The following XPO6 variants were observed in gnomAD, a reference collection of about 807,000 sequenced individuals.
XPO6 encodes the protein exportin 6.
XPO6 carries 3 observed loss-of-function variants against 130.0 expected under a neutral mutation model. The ratio of observed to expected loss-of-function variants is 0.02; its 90% CI spans 0.01 to 0.06. The LOEUF (loss-of-function observed/expected upper bound fraction) is 0.06. XPO6 is among the 10% of genes least tolerant of loss of function. The probability of loss-of-function intolerance (pLI) is 1.00; values close to 1 mark genes in which losing one functional copy is unlikely to be tolerated. For synonymous variants in XPO6, 524 were observed against 548.9 expected (o/e 0.95, Z 0.63); for missense variants, 970 against 1,393.0 (o/e 0.70, Z 4.83).
rs577233972 is a variant in XPO6 at position 28,188,987 on chromosome 16, G to A, written c.4-7956C>T. 5.9e-5 allele frequency among the ~76,000 whole-genome samples: 9 copies of A among 152,132 alleles called. No individual in the cohort carries two copies. In the South Asian group the frequency reaches 1.9e-3, roughly 32 times the overall value. ...TTTCCTTTTGTTTTCTGGAGGCACAGGTCTTGCTCTGTCGCCCAGGCTGGA... is the reference window on the plus strand; with the variant it reads ...TTTCCTTTTGTTTTCTGGAGGCACAAGTCTTGCTCTGTCGCCCAGGCTGGA... On this transcript the variant is annotated intron_variant, in intron 1 of 23. Coordinates refer to ENST00000304658, the MANE Select transcript of XPO6 (RefSeq NM_015171.4).
At chr16:28,196,504 T>C (rs906900250) in intron 1 of XPO6, among the ~76,000 whole-genome samples, 2 of 152,176 alleles carry the variant, frequency 1.3e-5, no homozygotes, top group Non-Finnish European at 2.9e-5. Context: ...TTACACAACA[T>C]GGTGAATGCA....
intron 6 of XPO6, among the ~76,000 whole-genome samples, chr16:28,161,076 G>A (rs1290276324): frequency 4.6e-5 from 7 of 152,146 alleles, no homozygotes; most frequent in Non-Finnish European, 1.5e-5. Flanking sequence ...AACTACAAAT[G>A]AACAAAGGGC....
chr16:28,167,329 T>C (rs2043372533), intron 5 of XPO6: 1 of 985,314 alleles, frequency 1.0e-6, no homozygotes. Flanking sequence ...TCCTTTTTCG[T>C]TCCTCATGCA....
chr16:28,140,845 A>G (rs780792652), intron 9 of XPO6, among the ~76,000 whole-genome samples: 1 of 152,222 alleles, frequency 6.6e-6, no homozygotes, highest in Non-Finnish European at 1.5e-5. Context: ...TAGGTGCTCA[A>G]TAAAATATAT....
chr16:28,149,063 A>AT (rs1025192001), intron 8 of XPO6, among the ~76,000 whole-genome samples: 3 of 150,286 alleles, frequency 2.0e-5, no homozygotes, highest in African/African-American at 4.9e-5. Context: ...GAAAATAAAA[A>AT]AAAAAAAAAA....
chr16:28,124,110 T>A (rs1596820230), intron 13 of XPO6, among the ~76,000 whole-genome samples: 1 of 148,524 alleles, frequency 6.7e-6, no homozygotes, highest in Admixed American at 6.9e-5. Context: ...CAGGCTGGAG[T>A]GCACTGGCGC....
chr16:28,199,748 G>T (rs2043926557), intron 1 of XPO6, among the ~76,000 whole-genome samples: 1 of 152,004 alleles, frequency 6.6e-6, no homozygotes, highest in Non-Finnish European at 1.5e-5. Flanking sequence ...TTTCACTTAT[G>T]TTGGCCAGGC....
chr16:28,170,489 A>T (rs1264256981), intron 4 of XPO6, among the ~76,000 whole-genome samples: 2 of 152,178 alleles, frequency 1.3e-5, no homozygotes, highest in Non-Finnish European at 2.9e-5. Flanking sequence ...CTAACATGAC[A>T]ATTTTTATAC....
At chr16:28,162,838 T>C (rs1351549498) in intron 6 of XPO6, among the ~76,000 whole-genome samples, 1 of 152,112 alleles carries the variant, frequency 6.6e-6, no homozygotes, top group Non-Finnish European at 1.5e-5. Flanking sequence ...TTTACAGGCC[T>C]AAGCCACCAT....
chr16:28,152,867 T>G, intron 7 of XPO6, 82 bp from the exon 8 acceptor site: 2 of 1,521,672 alleles, frequency 1.3e-6, no homozygotes, highest in Non-Finnish European at 1.7e-6. Context: ...GTTCTTTCAG[T>G]ACAGAACTAT....
At chr16:28,121,012 C>T (rs1227971808) in intron 14 of XPO6, among the ~76,000 whole-genome samples, 1 of 152,268 alleles carries the variant, frequency 6.6e-6, no homozygotes, top group East Asian at 1.9e-4. Flanking sequence ...TCATCTAAAG[C>T]AAGTCTTCTG....
Position 28,202,846 on chromosome 16 carries a change from GT to G in XPO6, c.3+8519del, listed in dbSNP as rs57912085. On this transcript the variant is annotated intron_variant, in intron 1 of 23. Coordinates refer to ENST00000304658, the MANE Select transcript of XPO6 (RefSeq NM_015171.4). ...TGCCACGGGAGCCAAGAAGAAAAGT[GT>G]TTCAAGAAAAGAAAAGGAGATCAGT... Among the ~76,000 whole-genome samples, 524 of 152,322 alleles carry G rather than the reference GT, an allele frequency of 3.4e-3. 1 individual carries two copies. Among genetic ancestry groups the G allele is most frequent in the Non-Finnish European group, 6.5e-3 (440 of 68,028 alleles).
chr16:28,131,317 G>C (rs1382840237), intron 12 of XPO6, among the ~76,000 whole-genome samples: 1 of 152,162 alleles, frequency 6.6e-6, no homozygotes, highest in African/African-American at 2.4e-5. Flanking sequence ...GGCTCCTGTG[G>C]AGGCTCTGCC....
chr16:28,164,958 T>C lies in XPO6; in HGVS notation c.643+1550A>G, dbSNP rs144008931. ...TTGGCTGGGTATGGTGGCTCACACC[T>C]GTAATCCCAGAAATCTGAAAGGCTG... On this transcript the variant is annotated intron_variant, in intron 6 of 23. Transcript: ENST00000304658. Among the ~76,000 whole-genome samples, 4 of 152,342 alleles carry C rather than the reference T, an allele frequency of 2.6e-5. No homozygotes were observed. The East Asian group carries it at 7.7e-4, about 29-fold the overall frequency.
intron 4 of XPO6, among the ~76,000 whole-genome samples, chr16:28,171,019 A>G (rs562431882): frequency 6.6e-5 from 10 of 152,014 alleles, no homozygotes; most frequent in Non-Finnish European, 1.3e-4. Flanking sequence ...TTTGAAAAGC[A>G]CTTCAAGTTT....
At chr16:28,104,432 A>G in intron 21 of XPO6, 114 bp downstream of exon 21, 1 of 1,302,524 alleles carries the variant, frequency 7.7e-7, no homozygotes, top group Non-Finnish European at 1.1e-6. Flanking sequence ...CTTCATCAAT[A>G]CTAACAGGCA....
At chr16:28,180,833 A>C in intron 2 of XPO6, 108 bp downstream of exon 2, 1 of 811,692 alleles carries the variant, frequency 1.2e-6, no homozygotes, top group Non-Finnish European at 1.8e-6. Flanking sequence ...GCAAGAATTC[A>C]AGTGGAAAGC....
intron 6 of XPO6, among the ~76,000 whole-genome samples, chr16:28,161,233 GACAA>G (rs1433575788): frequency 6.6e-6 from 1 of 152,298 alleles, no homozygotes; most frequent in East Asian, 1.9e-4. Context: ...GAATAAAAAT[GACAA>G]ACAATGTCTT....
At chr16:28,206,203 T>C (rs1049177666) in intron 1 of XPO6, among the ~76,000 whole-genome samples, 2 of 151,750 alleles carry the variant, frequency 1.3e-5, no homozygotes, top group Non-Finnish European at 2.9e-5. Flanking sequence ...GTAACCACAG[T>C]ACCTAGGGTT....
Sources: allele counts gnomAD v4.1 joint callset (sites outside exome capture counted in the v4.1 genomes callset), GRCh38; gene constraint gnomAD v4.1.1; transcripts MANE v1.5; gene names NCBI Gene and HGNC (gene_info 2026-07-23, HGNC 2026-07-21).